Variants in CSMD1 observed in about 807,000 individuals in gnomAD.
CSMD1 encodes the protein CUB and Sushi multiple domains 1.
A neutral mutation model predicts 417.5 loss-of-function variants in CSMD1; 213 were observed. That is an observed-to-expected ratio of 0.51 (90% CI 0.46 to 0.57). The LOEUF is 0.57. Ranked by LOEUF, CSMD1 falls within the 20% of genes least tolerant of loss-of-function variation. CSMD1 has a pLI of 0.00. For missense variants in CSMD1, 6,923 were observed against 4,529.7 expected, an observed-to-expected ratio of 1.53 and a Z score of -15.17; for synonymous variants, 2,862 against 1,736.8, an observed-to-expected ratio of 1.65 and a Z score of -16.11.
At chr8:4,203,988 C>G (rs979887606) in intron 3 of CSMD1, among the ~76,000 whole-genome samples, 1 of 152,092 alleles carries the variant, frequency 6.6e-6, no homozygotes, top group African/African-American at 2.4e-5. Context: ...GTGGTCCCAG[C>G]TACTCGGAAG....
intron 1 of CSMD1, among the ~76,000 whole-genome samples, chr8:4,749,540 T>TA (rs797018334): frequency 9.2e-5 from 14 of 152,342 alleles, no homozygotes; most frequent in African/African-American, 3.1e-4. Context: ...TATTTTACTC[T>TA]AGACTTCTAA....
chr8:3,350,038 T>C (rs1420510056), intron 21 of CSMD1, among the ~76,000 whole-genome samples: 2 of 144,986 alleles, frequency 1.4e-5, no homozygotes, highest in East Asian at 4.0e-4. Context: ...TGTGTTATAA[T>C]ACCTATAATA....
At chr8:4,754,022 G>A (rs1811511395) in intron 1 of CSMD1, among the ~76,000 whole-genome samples, 1 of 152,160 alleles carries the variant, frequency 6.6e-6, no homozygotes, top group African/African-American at 2.4e-5. Flanking sequence ...GATTCGCTTT[G>A]AAGGTTGTTA....
intron 5 of CSMD1, among the ~76,000 whole-genome samples, chr8:3,896,725 T>C (rs1807396759): frequency 6.6e-6 from 1 of 152,080 alleles, no homozygotes; most frequent in African/African-American, 2.4e-5. Context: ...TTAGCCAGGA[T>C]GGTCTCGATC....
chr8:3,522,087 A>G (rs558956129), intron 10 of CSMD1, among the ~76,000 whole-genome samples: 4 of 152,346 alleles, frequency 2.6e-5, no homozygotes, highest in Admixed American at 1.3e-4. Flanking sequence ...ATGTTTATCT[A>G]AATTGCATTA....
chr8:4,160,209 A>T (rs1347922934), intron 3 of CSMD1, among the ~76,000 whole-genome samples: 1 of 152,166 alleles, frequency 6.6e-6, no homozygotes, highest in East Asian at 1.9e-4. Flanking sequence ...TATATAGCAA[A>T]AATCTGGCTA....
intron 1 of CSMD1, among the ~76,000 whole-genome samples, chr8:4,770,636 A>C (rs1796551347): frequency 6.6e-6 from 1 of 152,104 alleles, no homozygotes; most frequent in Non-Finnish European, 1.5e-5. Context: ...GCGGAAGAGA[A>C]TAGAGAGCTG....
intron 5 of CSMD1, among the ~76,000 whole-genome samples, chr8:3,849,610 G>A (rs1465092815): frequency 1.3e-5 from 2 of 152,070 alleles, no homozygotes; most frequent in African/African-American, 2.4e-5. Context: ...GTGATTCCTG[G>A]GCCTGTCTGC....
At chr8:3,497,910 T>A (rs1367602142) in intron 10 of CSMD1, among the ~76,000 whole-genome samples, 2 of 152,238 alleles carry the variant, frequency 1.3e-5, no homozygotes, top group Non-Finnish European at 2.9e-5. Context: ...CTTTTGTGTG[T>A]CTTCACAATG....
chr8:3,994,531 C>A (rs943317822), intron 5 of CSMD1, among the ~76,000 whole-genome samples: 1 of 150,426 alleles, frequency 6.6e-6, no homozygotes, highest in Non-Finnish European at 1.5e-5. Flanking sequence ...AATGACTAGA[C>A]CATGCTATAA....
chr8:4,378,181 C>G (rs112586977), intron 3 of CSMD1, among the ~76,000 whole-genome samples: 1 of 152,182 alleles, frequency 6.6e-6, no homozygotes, highest in Non-Finnish European at 1.5e-5. Flanking sequence ...GATATTGCGA[C>G]TCTAATCGGC....
chr8:4,692,477 A>T (rs1386156078), intron 1 of CSMD1, among the ~76,000 whole-genome samples: 33 of 151,982 alleles, frequency 2.2e-4, no homozygotes, highest in Non-Finnish European at 2.9e-5. Flanking sequence ...ACCACATGGG[A>T]GTTGAAGGGG....
chr8:3,365,462 T>C (rs990108938), intron 20 of CSMD1, among the ~76,000 whole-genome samples: 2 of 152,252 alleles, frequency 1.3e-5, no homozygotes, highest in African/African-American at 4.8e-5. Flanking sequence ...AAGTTCTTAT[T>C]ACAGTTGACT....
intron 2 of CSMD1, among the ~76,000 whole-genome samples, chr8:4,460,025 C>G (rs114882717): frequency 6.6e-6 from 1 of 152,082 alleles, no homozygotes; most frequent in African/African-American, 2.4e-5. Flanking sequence ...CTGGAATGAA[C>G]AGACATCTAC....
chr8:3,568,876 A>G (rs1799829161), intron 10 of CSMD1, among the ~76,000 whole-genome samples: 1 of 152,146 alleles, frequency 6.6e-6, no homozygotes, highest in South Asian at 2.1e-4. Context: ...TAGGTCCTTC[A>G]TGATACATTT....
rs1471001554 is a variant in CSMD1 at position 3,558,598 on chromosome 8, CCCCGTGTCCACTCCTCCAATGATGAATAG to C, written c.1344+16318_1344+16346del. Among the ~76,000 whole-genome samples the C allele has an allele frequency of 1.7e-3, 216 of 129,306 alleles. 1 individual carries two copies. Among genetic ancestry groups the C allele is most frequent in the African/African-American group, 7.0e-3 (188 of 27,000 alleles). 84.8% of individuals were successfully genotyped at this position (129,306 alleles called of 152,430 possible). A position where few individuals can be genotyped will look rare whatever the true frequency, so the allele number is the denominator to read the frequency against. On this transcript the variant is annotated intron_variant, in intron 10 of 69. Transcript: ENST00000635120. Reference sequence around the variant, plus strand: ...AATGATGAATGGTGTCTCAATAGTACCCCGTGTCCACTCCTCCAATGATGAATAGTGCCTCAATAGTACCCCGTGTCCAC... The same window carrying C: ...AATGATGAATGGTGTCTCAATAGTACTGCCTCAATAGTACCCCGTGTCCAC...
At chr8:4,601,382 G>A (rs753055901) in intron 2 of CSMD1, among the ~76,000 whole-genome samples, 2 of 152,238 alleles carry the variant, frequency 1.3e-5, no homozygotes, top group East Asian at 1.9e-4. Flanking sequence ...TGTTATCATG[G>A]CATTTGCATA....
chr8:4,259,265 C>T (rs925331055), intron 3 of CSMD1, among the ~76,000 whole-genome samples: 3 of 152,110 alleles, frequency 2.0e-5, no homozygotes, highest in Admixed American at 6.6e-5. Context: ...AAACAAGCAA[C>T]CCCCCTCCCT....
At chr8:4,328,608 T>C (rs888829736) in intron 3 of CSMD1, among the ~76,000 whole-genome samples, 2 of 151,954 alleles carry the variant, frequency 1.3e-5, no homozygotes, top group African/African-American at 4.8e-5. Context: ...AGTCATTTTG[T>C]TTTGAAATAT....
Sources: gnomAD v4.1 joint callset for allele counts (sites outside exome capture counted in the v4.1 genomes callset) on GRCh38, gnomAD v4.1.1 for gene constraint, MANE v1.5 for transcripts, NCBI Gene and HGNC (gene_info 2026-07-23, HGNC 2026-07-21) for gene names.